Variants in SLC26A8 observed in about 807,000 individuals in gnomAD.
SLC26A8 encodes the protein solute carrier family 26 member 8, also known as testis anion transporter 1.
A neutral mutation model predicts 105.0 loss-of-function variants in SLC26A8; 70 were observed. The ratio of observed to expected loss-of-function variants is 0.67; its 90% CI spans 0.55 to 0.81. SLC26A8 has a LOEUF of 0.81. Among genes scored for constraint, SLC26A8 ranks in the 40% least tolerant of loss-of-function variants. SLC26A8 has a pLI of 0.00. For missense variants in SLC26A8, 998 were observed against 1,181.8 expected (o/e 0.84, Z 2.28); for synonymous variants, 415 against 438.3 (o/e 0.95, Z 0.66).
intron 17 of SLC26A8, among the ~76,000 whole-genome samples, chr6:35,952,616 C>T (rs947045407): frequency 1.3e-5 from 2 of 152,158 alleles, no homozygotes; most frequent in African/African-American, 2.4e-5. Flanking sequence ...ATCACAAAGT[C>T]ATTTGGCAAA....
Position 35,943,931 on chromosome 6 carries a change from G to A in SLC26A8, c.2882C>T (p.Ser961Leu). 1 of 1,614,130 alleles carries A rather than the reference G, an allele frequency of 6.2e-7. No individual in the cohort carries two copies. The highest frequency in any genetic ancestry group is 8.5e-7 in the Non-Finnish European group (1 of 1,180,006). ...ATCTTCATTGCTGTTGCCCTCTGGT[G>A]AGTATGAATCCATAGGATGGCGTCT... is the stretch of plus-strand genomic sequence containing the variant. ...ERRRHPMDSY[S>L]PEGNSNEDV Residue 961 changes from serine to leucine, a missense_variant, in exon 20 of 20, where the codon TCA (serine) becomes TTA (leucine). Transcript: ENST00000490799.
At chr6:35,999,893 C>A (rs1761470070) in intron 4 of SLC26A8, 99 bp downstream of exon 4, 1 of 779,722 alleles carries the variant, frequency 1.3e-6, no homozygotes, top group Admixed American at 2.2e-5. Flanking sequence ...TGCCTCCTTT[C>A]TTTCTATCTT....
intron 9 of SLC26A8, among the ~76,000 whole-genome samples, chr6:35,976,026 G>A (rs973228171): frequency 6.6e-6 from 1 of 151,868 alleles, no homozygotes; most frequent in Non-Finnish European, 1.5e-5. Flanking sequence ...TTTTCAAGGT[G>A]AGAAAATGAG....
At chr6:36,014,986 G>A (rs1761957014) in intron 2 of SLC26A8, among the ~76,000 whole-genome samples, 1 of 152,052 alleles carries the variant, frequency 6.6e-6, no homozygotes, top group Non-Finnish European at 1.5e-5. Context: ...CTATTATCAT[G>A]TTGATCTTAC....
intron 16 of SLC26A8, among the ~76,000 whole-genome samples, chr6:35,956,345 T>C (rs1772059491): frequency 6.7e-6 from 1 of 149,588 alleles, no homozygotes; most frequent in African/African-American, 2.5e-5. Context: ...AGAGGATCGC[T>C]TGAAGCTGGG....
intron 8 of SLC26A8, among the ~76,000 whole-genome samples, chr6:35,980,997 C>A (rs553646973): frequency 6.6e-6 from 1 of 151,210 alleles, no homozygotes; most frequent in South Asian, 2.1e-4. Flanking sequence ...GGCGACAGAG[C>A]AAGACTTGTC....
At chr6:35,992,401 G>C in intron 6 of SLC26A8, 109 bp downstream of exon 6, 1 of 1,152,158 alleles carries the variant, frequency 8.7e-7, no homozygotes, top group Non-Finnish European at 1.2e-6. Context: ...CTGCCTATAG[G>C]CTGTGTCTCC....
At chr6:35,994,200 C>T (rs12210065) in intron 5 of SLC26A8, among the ~76,000 whole-genome samples, 40,181 of 148,440 alleles carry the variant, frequency 0.27, 6,047 homozygotes, top group Middle Eastern at 0.38. Context: ...CTGCAATCTC[C>T]ACCTCCCAGG....
At position 35,944,240 on chromosome 6, in the gene SLC26A8, G is replaced by T; in HGVS notation, c.2573C>A (p.Ser858Ter). 1 of 1,613,974 alleles carries T rather than the reference G, an allele frequency of 6.2e-7. No individual in the cohort carries two copies. The change falls in exon 20 of 20, where the codon TCG becomes TAG. Residue 858 changes from serine to a stop codon, truncating the protein, a stop_gained. Coordinates refer to ENST00000490799, the MANE Select transcript of SLC26A8 (RefSeq NM_052961.4). LOFTEE classifies it high-confidence loss of function. ...TGATTCCAGCTCCAAATCCAACTCC[G>T]ACTCCTCTTCTACAGGCTGTTGGAT... ...IKIQQPVEEE[S>*]ELDLELESEQ...
At chr6:36,023,546 CA>C (rs59633591) in intron 1 of SLC26A8, among the ~76,000 whole-genome samples, 16,787 of 63,736 alleles carry the variant, frequency 0.26, 549 homozygotes, top group Middle Eastern at 0.3. Flanking sequence ...GACTCTGTCT[CA>C]AAAAAAAAAA....
At chr6:35,982,592 C>A (rs577032517) in intron 7 of SLC26A8, among the ~76,000 whole-genome samples, 26 of 152,324 alleles carry the variant, frequency 1.7e-4, no homozygotes, top group African/African-American at 6.0e-4. Context: ...GAAAATACCT[C>A]TTTGCTCCTC....
intron 3 of SLC26A8, among the ~76,000 whole-genome samples, chr6:36,002,838 G>C (rs1336347023): frequency 1.3e-5 from 2 of 151,814 alleles, no homozygotes; most frequent in Non-Finnish European, 2.9e-5. Flanking sequence ...TGAGTAGCTG[G>C]GACTATAGGC....
intron 2 of SLC26A8, among the ~76,000 whole-genome samples, chr6:36,015,130 G>A (rs1761960239): frequency 1.4e-5 from 2 of 146,708 alleles, no homozygotes; most frequent in South Asian, 4.3e-4. Context: ...TTTTTTGAGA[G>A]GGAGTCTCAC....
chr6:36,012,173 G>A (rs2127369824), intron 3 of SLC26A8, 60 bp downstream of exon 3: 1 of 1,569,016 alleles, frequency 6.4e-7, no homozygotes, highest in East Asian at 2.3e-5. Context: ...GTTTACCCTG[G>A]GCACGTGGAC....
chr6:35,978,844 C>CTTTTTTTTTT (rs370881691), intron 8 of SLC26A8, among the ~76,000 whole-genome samples: 1 of 140,838 alleles, frequency 7.1e-6, no homozygotes, highest in Non-Finnish European at 1.5e-5. Flanking sequence ...TCTTCTTCTT[C>CTTTTTTTTTT]TTTTTTTTTT....
Position 35,955,444 on chromosome 6 carries a change from A to G in SLC26A8, c.1940T>C (p.Phe647Ser). 6.2e-7 allele frequency: 1 copy of G among 1,614,152 alleles called. No individual in the cohort carries two copies. The highest frequency in any genetic ancestry group is 8.5e-7 in the Non-Finnish European group (1 of 1,179,996). Residue 647 changes from phenylalanine to serine, a missense_variant, in exon 17 of 20, where the codon TTT becomes TCT. Transcript: ENST00000490799. ...AGTTTGGCTTGTGTTCATGCTCTCA[A>G]AATGTGAGCAGTGAATCAGGTTAAT... ...SSINLIHCSH[F>S]ESMNTSQTAS...
intron 3 of SLC26A8, among the ~76,000 whole-genome samples, chr6:36,008,068 C>T (rs1224252122): frequency 6.8e-6 from 1 of 146,470 alleles, no homozygotes; most frequent in Non-Finnish European, 1.5e-5. Context: ...TGCAGTGAGC[C>T]GAGATTGAGC....
chr6:36,002,053 C>T (rs915055326), intron 3 of SLC26A8, among the ~76,000 whole-genome samples: 1 of 152,196 alleles, frequency 6.6e-6, no homozygotes, highest in African/African-American at 2.4e-5. Context: ...TGATATGTCT[C>T]TTAAGTCTCT....
chr6:35,969,051 T>C, intron 10 of SLC26A8, 97 bp from the exon 11 acceptor site: 2 of 1,075,420 alleles, frequency 1.9e-6, no homozygotes, highest in Non-Finnish European at 2.8e-6. Context: ...ATGTCAATTT[T>C]TCTTAAAAGG....
Sources: gnomAD v4.1 joint callset for allele counts (sites outside exome capture counted in the v4.1 genomes callset) on GRCh38, gnomAD v4.1.1 for gene constraint, MANE v1.5 for transcripts, NCBI Gene and HGNC (gene_info 2026-07-23, HGNC 2026-07-21) for gene names.